TMEM165: variants seen among roughly 807,000 people sequenced by gnomAD.
The protein encoded by TMEM165 is putative divalent cation/proton antiporter TMEM165.
TMEM165 carries 19 observed loss-of-function variants against 30.0 expected under a neutral mutation model. That is an observed-to-expected ratio of 0.63 (90% CI 0.44 to 0.93). The LOEUF (loss-of-function observed/expected upper bound fraction) is 0.93, where lower values mean the gene tolerates loss of function less well. TMEM165 is among the 40% of genes least tolerant of loss of function. The probability of loss-of-function intolerance (pLI) is 0.00; values close to 1 mark genes in which losing one functional copy is unlikely to be tolerated. For missense variants in TMEM165, 340 were observed against 417.0 expected, an observed-to-expected ratio of 0.82 and a Z score of 1.61; for synonymous variants, 168 against 162.9, an observed-to-expected ratio of 1.03 and a Z score of -0.24.
rs544882178 is a variant in TMEM165, at chr4:55,421,571, T to C, written c.793-2967T>C. ...CCTTGGCCTCCCAAAGTGCTGAGAT[T>C]ACGCCCGGCCTAAATATTACTTTCA... On this transcript the variant is annotated intron_variant, in intron 4 of 5. Coordinates refer to ENST00000381334, the MANE Select transcript of TMEM165 (RefSeq NM_018475.5). Among the ~76,000 whole-genome samples, 4 of 152,294 alleles carry C rather than the reference T, an allele frequency of 2.6e-5. No individual in the cohort carries two copies. In the South Asian group the frequency reaches 8.3e-4, roughly 32 times the overall value.
intron 1 of TMEM165, among the ~76,000 whole-genome samples, chr4:55,399,617 T>A (rs956412361): frequency 6.6e-6 from 1 of 152,090 alleles, no homozygotes; most frequent in African/African-American, 2.4e-5. Context: ...GCTACTAATA[T>A]CCTTTTTAAG....
intron 1 of TMEM165, among the ~76,000 whole-genome samples, chr4:55,397,750 T>C (rs990352316): frequency 6.6e-6 from 1 of 151,990 alleles, no homozygotes; most frequent in Non-Finnish European, 1.5e-5. Flanking sequence ...CTTTCCTTTT[T>C]CCTTTTTCTT....
At chr4:55,421,588 T>C (rs1721978343) in intron 4 of TMEM165, among the ~76,000 whole-genome samples, 1 of 152,084 alleles carries the variant, frequency 6.6e-6, no homozygotes, top group South Asian at 2.1e-4. Flanking sequence ...GGCCTAAATA[T>C]TACTTTCAAA....
At chr4:55,406,551 A>G (rs565472174) in intron 1 of TMEM165, among the ~76,000 whole-genome samples, 1 of 152,206 alleles carries the variant, frequency 6.6e-6, no homozygotes, top group Non-Finnish European at 1.5e-5. Context: ...ATGATTTTCT[A>G]TATTAGTGTA....
intron 3 of TMEM165, among the ~76,000 whole-genome samples, chr4:55,449,904 C>T (rs1355047540): frequency 1.3e-5 from 2 of 152,150 alleles, no homozygotes; most frequent in Non-Finnish European, 1.5e-5. Flanking sequence ...TAATAGGCTA[C>T]TTGAAGAACT....
chr4:55,425,615 T>C lies in TMEM165; in HGVS notation c.*163T>C. ...TCTGAGATATAATCATTGATTCTAT[T>C]TGTAACAAGGAGTTTTAAAAGAAAC... On this transcript the variant is annotated 3_prime_UTR_variant, in exon 6 of 6. Transcript: ENST00000381334. 3.5e-6 allele frequency: 2 copies of C among 569,068 alleles called. No individual in the cohort carries two copies. Among genetic ancestry groups the C allele is most frequent in the East Asian group, 6.3e-5 (2 of 31,926 alleles). 35.3% of individuals were successfully genotyped at this position (569,068 alleles called of 1,614,324 possible).
chr4:55,442,378 T>C lies in TMEM165; in HGVS notation c.409-9861T>C, dbSNP rs571101314. The C allele has an allele frequency of 1.4e-5, 21 of 1,467,346 alleles. No individual in the cohort carries two copies. The Admixed American group carries it at 3.4e-4, about 24-fold the overall frequency. 90.9% of individuals were successfully genotyped at this position (1,467,346 alleles called of 1,614,324 possible). On this transcript the variant is annotated intron_variant, in intron 3 of 3. Coordinates refer to the TMEM165 transcript ENST00000608091. Reference sequence around the variant, plus strand: ...TTGATTAAGAAATCAAATTATTGTTTTCTAATCAATCGGTTTACAATTTTA... The same window carrying C: ...TTGATTAAGAAATCAAATTATTGTTCTCTAATCAATCGGTTTACAATTTTA...
intron 3 of TMEM165, among the ~76,000 whole-genome samples, chr4:55,436,988 C>CT (rs1432911227): frequency 6.8e-6 from 1 of 146,670 alleles, no homozygotes; most frequent in Non-Finnish European, 1.5e-5. Context: ...AGGTCCTCTC[C>CT]TTTTTTTAGC....
chr4:55,432,934 G>A (rs1374823518), intron 3 of TMEM165: 1 of 152,644 alleles, frequency 6.6e-6, no homozygotes, highest in Non-Finnish European at 1.5e-5. Flanking sequence ...CCTGGGGCTT[G>A]TCTTATGCTT....
chr4:55,402,940 C>G (rs550918238), intron 1 of TMEM165, among the ~76,000 whole-genome samples: 2 of 150,562 alleles, frequency 1.3e-5, no homozygotes, highest in East Asian at 2.0e-4. Context: ...TACAGGTGCC[C>G]GCCACACGCC....
rs200205156 is a variant in TMEM165 at position 55,417,810 on chromosome 4, G to C, written c.617G>C (p.Arg206Pro). The change falls in exon 4 of 6, where the codon CGA (arginine) becomes CCA (proline). Residue 206 changes from arginine (R) to proline (P), a missense_variant. Arg to Pro is a moderately radical substitution (Grantham distance 103). Coordinates refer to ENST00000381334, the MANE Select transcript of TMEM165 (RefSeq NM_018475.5). ...GTTTATTATTTATTTTAGTTTCAAC[G>C]AACCAAACTTTTAAATGGACCGGGA... Reference protein sequence around the residue: ...ELKKKDEEFQRTKLLNGPGDV... With the variant: ...ELKKKDEEFQPTKLLNGPGDV... 1 of 1,596,960 alleles carries C rather than the reference G, an allele frequency of 6.3e-7. No homozygotes were observed.
chr4:55,441,096 T>C (rs1036687970), intron 3 of TMEM165, among the ~76,000 whole-genome samples: 2 of 152,210 alleles, frequency 1.3e-5, no homozygotes, highest in African/African-American at 2.4e-5. Context: ...GTTTGGTCTT[T>C]CCCTTGGGGA....
Position 55,396,068 on chromosome 4 carries a change from C to T in TMEM165, c.-122C>T. 1 of 775,252 alleles carries T rather than the reference C, an allele frequency of 1.3e-6. No homozygotes were observed. The highest frequency in any genetic ancestry group is 1.8e-6 in the Non-Finnish European group (1 of 558,758). The allele number at this position is 775,252 out of a possible 1,614,324, so 48.0% of individuals were successfully genotyped here. A position where few individuals can be genotyped will look rare whatever the true frequency, so the allele number is the denominator to read the frequency against. On this transcript the variant is annotated 5_prime_UTR_variant, in exon 1 of 6. Transcript: ENST00000381334. The stretch of plus-strand genomic sequence containing the variant: ...TGCACCTCCCGGATGGTGCTGACTG[C>T]TCCCTAAGCGGCGGCGGCGGCGAGT...
At chr4:55,443,250 C>T (rs1429245719) in intron 3 of TMEM165, among the ~76,000 whole-genome samples, 7 of 151,814 alleles carry the variant, frequency 4.6e-5, no homozygotes, top group South Asian at 2.1e-4. Context: ...CTGAGGTGGG[C>T]GATCACCTGA....
At chr4:55,407,178 T>G (rs1721304831) in intron 1 of TMEM165, among the ~76,000 whole-genome samples, 2 of 151,998 alleles carry the variant, frequency 1.3e-5, no homozygotes, top group Non-Finnish European at 2.9e-5. Context: ...AGGTTCTACT[T>G]GAGTTGGACC....
chr4:55,442,170 C>T (rs750098292), intron 3 of TMEM165: 22 of 443,120 alleles, frequency 5.0e-5, no homozygotes, highest in Non-Finnish European at 8.2e-5. Context: ...TAAACCTTTT[C>T]TAACAGTGTG....
At chr4:55,450,027 A>G (rs1304156352) in intron 3 of TMEM165, 11 of 1,556,078 alleles carry the variant, frequency 7.1e-6, no homozygotes, top group East Asian at 2.2e-5. Flanking sequence ...AAATGCTGAT[A>G]TAAGTAACTA....
chr4:55,448,650 A>AG (rs1404334873), intron 3 of TMEM165: 2 of 552,884 alleles, frequency 3.6e-6, no homozygotes, highest in Non-Finnish European at 6.7e-6. Context: ...GTGTGCTCCT[A>AG]CCTCAGCCTC....
chr4:55,449,304 G>T, intron 3 of TMEM165: 1 of 1,138,986 alleles, frequency 8.8e-7, no homozygotes, highest in South Asian at 1.2e-5. Flanking sequence ...TTTACAAAGA[G>T]GGGTGACAAA....
Sources: gnomAD v4.1 joint callset for allele counts (sites outside exome capture counted in the v4.1 genomes callset) on GRCh38, gnomAD v4.1.1 for gene constraint, MANE v1.5 for transcripts, NCBI Gene and HGNC (gene_info 2026-07-23, HGNC 2026-07-21) for gene names.